The following ARHGAP26 variants were observed in gnomAD, a reference collection of about 807,000 sequenced individuals.
The protein encoded by ARHGAP26 is rho GTPase-activating protein 26.
Under a neutral mutation model 104.8 loss-of-function variants are expected in ARHGAP26, and 38 were observed. The ratio of observed to expected loss-of-function variants is 0.36; its 90% CI spans 0.28 to 0.48. The LOEUF is 0.48. Ranked by LOEUF, ARHGAP26 falls within the 20% of genes least tolerant of loss-of-function variation. ARHGAP26 has a pLI of 0.99. For synonymous variants in ARHGAP26, 341 were observed against 340.0 expected, an observed-to-expected ratio of 1.00 and a Z score of -0.03; for missense variants, 704 against 947.9, an observed-to-expected ratio of 0.74 and a Z score of 3.38.
intron 17 of ARHGAP26, among the ~76,000 whole-genome samples, chr5:143,064,458 A>G (rs935726269): frequency 1.3e-5 from 2 of 151,378 alleles, no homozygotes; most frequent in Non-Finnish European, 2.9e-5. Context: ...AGGTCCATGA[A>G]AGAAGTGAGT....
chr5:143,109,411 C>CT (rs1291686941), intron 17 of ARHGAP26, among the ~76,000 whole-genome samples: 5 of 152,058 alleles, frequency 3.3e-5, no homozygotes, highest in Admixed American at 1.3e-4. Context: ...GGGTTTTATG[C>CT]TAGCTTGTAA....
At chr5:142,797,390 T>C (rs1761201811) in intron 1 of ARHGAP26, among the ~76,000 whole-genome samples, 1 of 152,214 alleles carries the variant, frequency 6.6e-6, no homozygotes, top group Non-Finnish European at 1.5e-5. Flanking sequence ...ATTTTTCAAG[T>C]GGGCAACAAG....
intron 20 of ARHGAP26, among the ~76,000 whole-genome samples, chr5:143,194,809 A>T (rs993589847): frequency 6.6e-6 from 1 of 152,224 alleles, no homozygotes; most frequent in Non-Finnish European, 1.5e-5. Flanking sequence ...GCTCCTCAGA[A>T]CCAAATGAAC....
intron 12 of ARHGAP26, among the ~76,000 whole-genome samples, chr5:143,036,802 G>T (rs1171002061): frequency 6.6e-6 from 1 of 152,200 alleles, no homozygotes; most frequent in Non-Finnish European, 1.5e-5. Flanking sequence ...AACATTTATA[G>T]ACCACTTAAT....
At position 142,902,080 on chromosome 5, in the gene ARHGAP26, GA is replaced by G. The variant is rs752049062; in HGVS notation, c.702+46del. The stretch of plus-strand genomic sequence containing the variant: ...GACAGGCTTCTTTTATCTGGTTAAG[GA>G]AAAACAAAATATGGGCCTGATTGCC... On this transcript the variant is annotated intron_variant, in intron 7 of 22. Coordinates refer to ENST00000645722, the MANE Select transcript of ARHGAP26 (RefSeq NM_001135608.3). 4.3e-5 allele frequency: 68 copies of G among 1,565,476 alleles called. No individual in the cohort carries two copies. The African/African-American group carries it at 8.6e-4, about 20-fold the overall frequency.
chr5:143,010,172 A>G (rs1372376412), intron 11 of ARHGAP26, among the ~76,000 whole-genome samples: 1 of 152,212 alleles, frequency 6.6e-6, no homozygotes, highest in Non-Finnish European at 1.5e-5. Context: ...TTCTGTCAGT[A>G]TAGAAGGTAT....
chr5:142,873,695 C>A (rs1306787019), intron 2 of ARHGAP26, among the ~76,000 whole-genome samples, 200 bp downstream of exon 2: 3 of 152,170 alleles, frequency 2.0e-5, no homozygotes, highest in Admixed American at 2.0e-4. Flanking sequence ...GATTGCCTCA[C>A]CCTCCAGCAT....
rs1186217765 is a variant in ARHGAP26 at position 142,903,816 on chromosome 5, A to G, written c.832+147A>G. 10 of 857,114 alleles carry G rather than the reference A, an allele frequency of 1.2e-5. No homozygotes were observed. The East Asian group carries it at 2.4e-4, about 21-fold the overall frequency. The allele number at this position is 857,114 out of a possible 1,614,324, so 53.1% of individuals were successfully genotyped here. A position where few individuals can be genotyped will look rare whatever the true frequency, so the allele number is the denominator to read the frequency against. ...ATAGTTCACCTTTCCAAAGAGAAAGATGATGTCCACAGAATCTTGTCTACC... is the reference window on the plus strand; with the variant it reads ...ATAGTTCACCTTTCCAAAGAGAAAGGTGATGTCCACAGAATCTTGTCTACC... On this transcript the variant is annotated intron_variant, in intron 8 of 22. Coordinates refer to ENST00000645722, the MANE Select transcript of ARHGAP26 (RefSeq NM_001135608.3).
intron 14 of ARHGAP26, among the ~76,000 whole-genome samples, chr5:143,051,656 G>A (rs1445154446): frequency 2.0e-5 from 3 of 152,192 alleles, no homozygotes; most frequent in East Asian, 3.8e-4. Flanking sequence ...TAAAATGGAT[G>A]TGCTCAAGTT....
intron 4 of ARHGAP26, among the ~76,000 whole-genome samples, chr5:142,884,720 C>T (rs990738826): frequency 5.3e-5 from 8 of 152,092 alleles, no homozygotes; most frequent in Admixed American, 2.6e-4. Context: ...TAAATGGTGC[C>T]GTAGTAAACA....
At chr5:143,155,886 G>C (rs1031988039) in intron 20 of ARHGAP26, among the ~76,000 whole-genome samples, 1 of 152,110 alleles carries the variant, frequency 6.6e-6, no homozygotes, top group Non-Finnish European at 1.5e-5. Context: ...TTAAAGCTTT[G>C]GAGTTTAATT....
intron 21 of ARHGAP26, among the ~76,000 whole-genome samples, chr5:143,210,485 C>T (rs893492658): frequency 6.6e-6 from 1 of 152,118 alleles, no homozygotes; most frequent in Non-Finnish European, 1.5e-5. Flanking sequence ...ATTTATAGAC[C>T]TTGTTTGTTC....
chr5:142,997,440 G>T (rs775490963), intron 11 of ARHGAP26, among the ~76,000 whole-genome samples: 2 of 152,030 alleles, frequency 1.3e-5, no homozygotes, highest in African/African-American at 2.4e-5. Flanking sequence ...ACAGGGTTTT[G>T]CTCTGTCACC....
chr5:143,142,134 C>CTTTTTTTTTTTTTTT (rs762332039), intron 19 of ARHGAP26, among the ~76,000 whole-genome samples: 3 of 105,348 alleles, frequency 2.8e-5, no homozygotes, highest in African/African-American at 4.1e-5. Context: ...CTACTTTTCA[C>CTTTTTTTTTTTTTTT]TTTTTTTTTT....
intron 1 of ARHGAP26, among the ~76,000 whole-genome samples, chr5:142,806,659 G>A (rs1763046702): frequency 6.6e-6 from 1 of 152,130 alleles, no homozygotes. Context: ...GTGATGCCTG[G>A]ACGACATCAC....
chr5:143,054,888 C>T (rs1057053667), intron 15 of ARHGAP26, among the ~76,000 whole-genome samples: 8 of 152,182 alleles, frequency 5.3e-5, no homozygotes, highest in Non-Finnish European at 8.8e-5. Context: ...GATTACATAC[C>T]TCATGTATTT....
intron 1 of ARHGAP26, among the ~76,000 whole-genome samples, chr5:142,775,345 T>G (rs1756096240): frequency 6.6e-6 from 1 of 152,180 alleles, no homozygotes; most frequent in Non-Finnish European, 1.5e-5. Flanking sequence ...AGCTATTTCC[T>G]TATGACATAT....
intron 20 of ARHGAP26, among the ~76,000 whole-genome samples, chr5:143,176,488 C>T (rs1803494245): frequency 6.6e-6 from 1 of 152,174 alleles, no homozygotes; most frequent in African/African-American, 2.4e-5. Context: ...GTTTTTGTGT[C>T]CCTCCTCTGG....
At chr5:142,945,593 G>A (rs138078958) in intron 11 of ARHGAP26, among the ~76,000 whole-genome samples, 80 of 152,180 alleles carry the variant, frequency 5.3e-4, no homozygotes, top group Non-Finnish European at 1.0e-3. Flanking sequence ...ATGATATTTT[G>A]GCAAGTCAAG....
Sources: allele counts gnomAD v4.1 joint callset (sites outside exome capture counted in the v4.1 genomes callset), GRCh38; gene constraint gnomAD v4.1.1; transcripts MANE v1.5; gene names NCBI Gene and HGNC (gene_info 2026-07-23, HGNC 2026-07-21).